The following DNAH17 variants were observed in gnomAD, a reference collection of about 807,000 sequenced individuals.
DNAH17 encodes the protein axonemal beta dynein heavy chain 17.
In DNAH17, 376 loss-of-function variants were observed where a neutral mutation model predicts 485.6. The observed-to-expected ratio is 0.77, with a 90% CI of 0.71 to 0.84. DNAH17 has a LOEUF of 0.84. Among genes scored for constraint, DNAH17 ranks in the 40% least tolerant of loss-of-function variants. DNAH17 has a pLI of 0.00. For missense variants in DNAH17, 6,370 were observed against 5,839.3 expected (o/e 1.09, Z -2.96); for synonymous variants, 3,031 against 2,405.9 (o/e 1.26, Z -7.60).
In DNAH17 at chr17:78,571,896, T is replaced by G. The variant is rs190257209; in HGVS notation, c.540-114A>C. On this transcript the variant is annotated intron_variant, in intron 3 of 80. Transcript: ENST00000389840. The stretch of plus-strand genomic sequence containing the variant: ...TCCCAAACCACCAGCAGCAGCACCG[T>G]CTGGTCTCATGTCCCTGGTGCCTCC... 645 of 1,029,560 alleles carry G rather than the reference T, an allele frequency of 6.3e-4. 5 individuals are homozygous for G. The African/African-American group carries it at 9.3e-3, about 15-fold the overall frequency. The allele number at this position is 1,029,560 out of a possible 1,614,324, so 63.8% of individuals were successfully genotyped here.
chr17:78,492,562 C>T lies in DNAH17; in HGVS notation c.6541+71G>A, dbSNP rs561832018. On this transcript the variant is annotated intron_variant, in intron 42 of 80. Coordinates refer to ENST00000389840, the MANE Select transcript of DNAH17 (RefSeq NM_173628.4). ...GGGAGGCTGGCCTTCCACGTGGGAACGGCTGAGCACACGCTCACTGCACTG... is the reference window on the plus strand; with the variant it reads ...GGGAGGCTGGCCTTCCACGTGGGAATGGCTGAGCACACGCTCACTGCACTG... 2,842 of 1,578,100 alleles carry T rather than the reference C, an allele frequency of 1.8e-3. 3 individuals carry two copies. The highest frequency in any genetic ancestry group is 2.9e-3 in the Middle Eastern group (16 of 5,454).
chr17:78,425,781 T>C (rs1172189840), intron 79 of DNAH17, among the ~76,000 whole-genome samples: 1 of 120,968 alleles, frequency 8.3e-6, no homozygotes, highest in Non-Finnish European at 1.8e-5. Flanking sequence ...TTTTTTTTTT[T>C]TTGAGATGAA....
chr17:78,539,941 ACT>A, intron 17 of DNAH17, 61 bp from the exon 18 acceptor site: 2 of 1,488,356 alleles, frequency 1.3e-6, no homozygotes, highest in Non-Finnish European at 1.8e-6. Context: ...CTTTGATCAC[ACT>A]GTTTAGTGCC....
chr17:78,428,415 G>A (rs1011829194), intron 77 of DNAH17, 110 bp downstream of exon 77: 2 of 1,335,726 alleles, frequency 1.5e-6, no homozygotes, highest in African/African-American at 2.9e-5. Context: ...CTGGGGCAGA[G>A]TGTACCTCAC....
In DNAH17 at chr17:78,434,040, C is replaced by G; in HGVS notation, c.12214G>C (p.Ala4072Pro). The change falls in exon 75 of 81, where the codon GCC becomes CCC. Residue 4072 changes from alanine (A) to proline (P), a missense_variant. Ala to Pro is a conservative substitution (Grantham distance 27). Coordinates refer to ENST00000389840, the MANE Select transcript of DNAH17 (RefSeq NM_173628.4). ...SINVLYNYLE[A>P]NPKVPWDDLR... is the part of the protein sequence containing the mutation. ...ACACAGCCCCTCACCTTGGGGTTGG[C>G]CTCCAGGTAGTTGTAGAGCACGTTG... is the stretch of plus-strand genomic sequence containing the variant. 1 of 1,605,960 alleles carries G rather than the reference C, an allele frequency of 6.2e-7. No homozygotes were observed. Among genetic ancestry groups the G allele is most frequent in the Non-Finnish European group, 8.5e-7 (1 of 1,175,300 alleles).
chr17:78,560,972 A>G (rs555434242), intron 12 of DNAH17, 37 bp from the exon 13 acceptor site: 4 of 1,532,270 alleles, frequency 2.6e-6, no homozygotes, highest in Admixed American at 2.0e-5. Flanking sequence ...CCCACTGGAT[A>G]TCTCCTGTGG....
intron 77 of DNAH17, 67 bp from the exon 78 acceptor site, chr17:78,427,175 G>A (rs1158089727): frequency 6.7e-7 from 1 of 1,499,086 alleles, no homozygotes; most frequent in Non-Finnish European, 9.0e-7. Flanking sequence ...GCAGGGTCAG[G>A]GAGCCTGCCC....
chr17:78,546,434 C>T lies in DNAH17; in HGVS notation c.2392-2437G>A, dbSNP rs369190457. Reference sequence around the variant, plus strand: ...AACTAATGTTTGCCCTTTGTTATCACGTTTTATCCTTTCTGCTTTCTCACC... The same window carrying T: ...AACTAATGTTTGCCCTTTGTTATCATGTTTTATCCTTTCTGCTTTCTCACC... On this transcript the variant is annotated intron_variant, in intron 16 of 80. Transcript: ENST00000389840. Among the ~76,000 whole-genome samples, 56 of 152,222 alleles carry T rather than the reference C, an allele frequency of 3.7e-4. 1 individual carries two copies. The Middle Eastern group carries it at 0.01, about 28-fold the overall frequency.
At chr17:78,486,527 CGAT>C in intron 44 of DNAH17, 21 bp from the exon 45 acceptor site, 1 of 1,582,578 alleles carries the variant, frequency 6.3e-7, no homozygotes, top group Non-Finnish European at 8.6e-7. Flanking sequence ...CAGGAGGCGC[CGAT>C]GACACAGCCG....
chr17:78,447,457 T>C (rs948649189), intron 69 of DNAH17, among the ~76,000 whole-genome samples: 1 of 152,208 alleles, frequency 6.6e-6, no homozygotes, highest in Admixed American at 6.5e-5. Context: ...CCTGGCACCC[T>C]CTGTCTCAGA....
chr17:78,430,610 T>C (rs2086638416), intron 75 of DNAH17, among the ~76,000 whole-genome samples: 1 of 152,236 alleles, frequency 6.6e-6, no homozygotes, highest in Non-Finnish European at 1.5e-5. Context: ...AGATGGAGTC[T>C]CGCTCTGTTG....
intron 9 of DNAH17, among the ~76,000 whole-genome samples, chr17:78,567,844 T>G (rs994375290): frequency 6.6e-6 from 1 of 152,166 alleles, no homozygotes; most frequent in Non-Finnish European, 1.5e-5. Context: ...TGTGTGCAGT[T>G]CCTGTTTCCC....
intron 25 of DNAH17, among the ~76,000 whole-genome samples, chr17:78,524,463 C>G (rs1002523253): frequency 9.9e-5 from 15 of 152,156 alleles, no homozygotes; most frequent in African/African-American, 3.6e-4. Context: ...TAAAAGGGAC[C>G]CTGGAGCGAT....
intron 27 of DNAH17, 30 bp from the exon 28 acceptor site, chr17:78,507,835 T>G (rs1460231551): frequency 6.6e-7 from 1 of 1,503,808 alleles, no homozygotes; most frequent in African/African-American, 1.4e-5. Context: ...ATAAGGTCAC[T>G]GAGCATTTGG....
At position 78,429,172 on chromosome 17, in the gene DNAH17, T is replaced by TC. The variant is rs1174843074; in HGVS notation, c.12353dup (p.Asp4119ArgfsTer25). The TC allele has an allele frequency of 3.1e-6, 5 of 1,613,512 alleles. No individual in the cohort carries two copies. The African/African-American group carries it at 6.7e-5, about 22-fold the overall frequency. On this transcript the variant is annotated frameshift_variant, in exon 76 of 81. Coordinates refer to ENST00000389840, the MANE Select transcript of DNAH17 (RefSeq NM_173628.4). LOFTEE classifies it high-confidence loss of function. Reference sequence around the variant, plus strand: ...GAAAGCCGGGGGCCAGCAGGACGTCTCCCTCCAGCATCTCCGTCCGGATGT... The same window carrying TC: ...GAAAGCCGGGGGCCAGCAGGACGTCTCCCCTCCAGCATCTCCGTCCGGATGT...
chr17:78,484,134 A>AAC (rs1216615209), intron 48 of DNAH17, among the ~76,000 whole-genome samples: 2 of 148,068 alleles, frequency 1.4e-5, no homozygotes, highest in Non-Finnish European at 3.0e-5. Flanking sequence ...AAGACAACTG[A>AAC]ACTGAATGTT....
rs543301149 is a variant in DNAH17, at chr17:78,517,939, G to A, written c.3865-2917C>T. ...GGCAAAGAGATCTAAATGGAAGTGA[G>A]GTTTCTACACACAAAAGTGACAAAA... On this transcript the variant is annotated intron_variant, in intron 25 of 80. Coordinates refer to ENST00000389840, the MANE Select transcript of DNAH17 (RefSeq NM_173628.4). Among the ~76,000 whole-genome samples the A allele has an allele frequency of 4.6e-5, 7 of 152,278 alleles. No individual in the cohort carries two copies. The East Asian group carries it at 1.3e-3, about 29-fold the overall frequency.
intron 14 of DNAH17, among the ~76,000 whole-genome samples, chr17:78,555,348 T>TG (rs2091996430): frequency 1.3e-5 from 2 of 151,936 alleles, no homozygotes; most frequent in African/African-American, 4.8e-5. Context: ...CTCTTTAGTG[T>TG]GCTCGTGACT....
Position 78,560,676 on chromosome 17 carries a change from C to A in DNAH17, c.2031+64G>T, listed in dbSNP as rs771934569. 6.1e-6 allele frequency: 9 copies of A among 1,473,548 alleles called. No homozygotes were observed. The East Asian group carries it at 9.9e-5, about 16-fold the overall frequency. The allele number at this position is 1,473,548 out of a possible 1,614,324, so 91.3% of individuals were successfully genotyped here. ...CCTCCATAAATCCGTGCTGAGGGAA[C>A]CTTGGCAGGCCCTCCCCCCGCTCCC... On this transcript the variant is annotated intron_variant, in intron 13 of 80. Transcript: ENST00000389840.
Sources: allele counts gnomAD v4.1 joint callset (sites outside exome capture counted in the v4.1 genomes callset), GRCh38; gene constraint gnomAD v4.1.1; transcripts MANE v1.5; gene names NCBI Gene and HGNC (gene_info 2026-07-23, HGNC 2026-07-21).